LTBP1: variants seen among roughly 807,000 people sequenced by gnomAD.
LTBP1 encodes the protein latent-transforming growth factor beta-binding protein 1.
LTBP1 carries 129 observed loss-of-function variants against 207.6 expected under a neutral mutation model. That is an observed-to-expected ratio of 0.62 (90% CI 0.54 to 0.72). The LOEUF (loss-of-function observed/expected upper bound fraction) is 0.72, where lower values mean the gene tolerates loss of function less well. Among genes scored for constraint, LTBP1 ranks in the 30% least tolerant of loss-of-function variants. The pLI is 0.00. For synonymous variants in LTBP1, 963 were observed against 833.7 expected, an observed-to-expected ratio of 1.16 and a Z score of -2.67; for missense variants, 2,281 against 2,217.2, an observed-to-expected ratio of 1.03 and a Z score of -0.58.
At chr2:33,112,394 T>C (rs2080463237) in intron 4 of LTBP1, among the ~76,000 whole-genome samples, 1 of 152,250 alleles carries the variant, frequency 6.6e-6, no homozygotes, top group South Asian at 2.1e-4. Flanking sequence ...ATAAGTTTCT[T>C]ATCTGTTCTG....
intron 22 of LTBP1, among the ~76,000 whole-genome samples, chr2:33,304,595 A>G (rs545474555): frequency 1.6e-4 from 24 of 152,266 alleles, no homozygotes; most frequent in South Asian, 1.2e-3. Flanking sequence ...ACGTGCCTCA[A>G]TTGTCCTCAT....
intron 2 of LTBP1, among the ~76,000 whole-genome samples, chr2:32,957,275 G>A (rs149499388): frequency 9.3e-4 from 142 of 152,286 alleles, no homozygotes; most frequent in African/African-American, 2.2e-3. Flanking sequence ...TTGGCTAGCT[G>A]GTGTAAGAGG....
chr2:33,367,821 G>C (rs886567558), intron 31 of LTBP1, among the ~76,000 whole-genome samples: 4 of 152,136 alleles, frequency 2.6e-5, no homozygotes, highest in Admixed American at 2.6e-4. Context: ...GATGGGGCAG[G>C]GAAAGGTTAG....
intron 4 of LTBP1, among the ~76,000 whole-genome samples, chr2:33,132,003 T>A (rs576581127): frequency 1.2e-3 from 178 of 152,330 alleles, no homozygotes; most frequent in African/African-American, 4.2e-3. Context: ...GAGCATAATT[T>A]AGGTGACTGT....
chr2:32,999,658 G>A (rs1259656891), intron 2 of LTBP1, among the ~76,000 whole-genome samples: 1 of 133,652 alleles, frequency 7.5e-6, no homozygotes, highest in Non-Finnish European at 1.6e-5. Context: ...TTGGGAGGCC[G>A]AGGTGGGCGG....
rs147746714 is a variant in LTBP1, at chr2:33,294,280, C to T, written c.3235+998C>T. On this transcript the variant is annotated intron_variant, in intron 20 of 33. Transcript: ENST00000404816. ...GGCATGATCTTGACTCACTGCAACC[C>T]CTGCCTCCTGGGTTCTAGCGAATCT... Among the ~76,000 whole-genome samples, 398 of 151,218 alleles carry T rather than the reference C, an allele frequency of 2.6e-3. 4 individuals are homozygous for T. The highest frequency in any genetic ancestry group is 9.4e-3 in the African/African-American group (386 of 41,200).
chr2:33,092,941 A>T (rs79028606), intron 3 of LTBP1, among the ~76,000 whole-genome samples: 3,044 of 152,294 alleles, frequency 0.02, 91 homozygotes, highest in African/African-American at 0.065. Context: ...ACTGATTCAT[A>T]GACCTGCACT....
chr2:33,084,464 AGGAACTCTTAGGGATCCC>A (rs2078631489), intron 3 of LTBP1, among the ~76,000 whole-genome samples: 1 of 152,128 alleles, frequency 6.6e-6, no homozygotes, highest in South Asian at 2.1e-4. Context: ...GTTCATGCAG[AGGAACTCTTAGGGATCCC>A]GGGTGATAGC....
At chr2:33,109,185 C>G (rs2080243459) in intron 3 of LTBP1, among the ~76,000 whole-genome samples, 1 of 152,250 alleles carries the variant, frequency 6.6e-6, no homozygotes, top group African/African-American at 2.4e-5. Context: ...GAGAATGAAT[C>G]TGATAGAGTG....
chr2:33,376,196 T>G (rs2095137945), intron 31 of LTBP1, among the ~76,000 whole-genome samples: 1 of 152,158 alleles, frequency 6.6e-6, no homozygotes, highest in Non-Finnish European at 1.5e-5. Flanking sequence ...TAAATAATGT[T>G]TACCAACCTA....
intron 2 of LTBP1, among the ~76,000 whole-genome samples, chr2:33,008,446 A>T (rs1031598099): frequency 2.6e-5 from 4 of 152,232 alleles, no homozygotes; most frequent in Admixed American, 2.6e-4. Context: ...GCCAAACAAT[A>T]AAAGTAATAA....
chr2:33,159,014 C>T (rs918629097), intron 5 of LTBP1, among the ~76,000 whole-genome samples: 3 of 152,152 alleles, frequency 2.0e-5, no homozygotes, highest in African/African-American at 7.2e-5. Context: ...AAATACCTAT[C>T]GTGATTCTGT....
chr2:33,373,133 T>C (rs1285376330), intron 31 of LTBP1, among the ~76,000 whole-genome samples: 2 of 152,170 alleles, frequency 1.3e-5, no homozygotes, highest in East Asian at 1.9e-4. Context: ...AACTAGTGTG[T>C]TGGGAGAATG....
At chr2:32,983,594 T>G (rs1683092666) in intron 2 of LTBP1, among the ~76,000 whole-genome samples, 1 of 152,212 alleles carries the variant, frequency 6.6e-6, no homozygotes, top group Admixed American at 6.5e-5. Context: ...CCTTGTGTCG[T>G]AGGAGGGACC....
intron 24 of LTBP1, among the ~76,000 whole-genome samples, chr2:33,316,272 A>G (rs2094270812): frequency 6.6e-6 from 1 of 152,074 alleles, no homozygotes. Flanking sequence ...TAGATTATTG[A>G]AACTCAGCTA....
rs574532112 is a variant in LTBP1 at position 33,167,295 on chromosome 2, C to A, written c.1202-19561C>A. On this transcript the variant is annotated intron_variant, in intron 5 of 33. Coordinates refer to ENST00000404816, the MANE Select transcript of LTBP1 (RefSeq NM_206943.4). ...ACTTTGGAAAGCAAATTATAAAAAT[C>A]AGAAATTTGGCATTCAAACGACTTC... Among the ~76,000 whole-genome samples, 9 of 149,390 alleles carry A rather than the reference C, an allele frequency of 6.0e-5. No homozygotes were observed. In the South Asian group the frequency reaches 1.7e-3, roughly 28 times the overall value.
chr2:33,153,738 C>T (rs2083726539), intron 5 of LTBP1, among the ~76,000 whole-genome samples: 2 of 152,172 alleles, frequency 1.3e-5, no homozygotes, highest in African/African-American at 4.8e-5. Context: ...CTGAATTTAT[C>T]TAGATTAACA....
intron 32 of LTBP1, among the ~76,000 whole-genome samples, chr2:33,390,273 A>G (rs1203038198): frequency 3.3e-5 from 5 of 152,152 alleles, no homozygotes; most frequent in Admixed American, 1.3e-4. Flanking sequence ...GATCCCCTTT[A>G]GAACGTAAAT....
At chr2:33,020,808 T>C (rs2149219103) in intron 2 of LTBP1, 101 bp from the exon 3 acceptor site, 1 of 1,189,968 alleles carries the variant, frequency 8.4e-7, no homozygotes, top group Middle Eastern at 2.8e-4. Flanking sequence ...TGGTTTTTTA[T>C]TGGAGAACAA....
Sources: allele counts gnomAD v4.1 joint callset (sites outside exome capture counted in the v4.1 genomes callset), GRCh38; gene constraint gnomAD v4.1.1; transcripts MANE v1.5; gene names NCBI Gene and HGNC (gene_info 2026-07-23, HGNC 2026-07-21).